Variants in BLTP3A observed in about 807,000 individuals in gnomAD.
The protein encoded by BLTP3A is ICBP90 binding protein 1.
the BLTP3A span, among the ~76,000 whole-genome samples, chr6:34,848,207 C>G: frequency 3.3e-5 from 5 of 151,138 alleles, no homozygotes; most frequent in Non-Finnish European, 7.4e-5. Flanking sequence ...AGGCTTGAGC[C>G]CGGGAGATAG....
the BLTP3A span, among the ~76,000 whole-genome samples, chr6:34,823,068 A>T: frequency 6.6e-6 from 1 of 152,126 alleles, no homozygotes; most frequent in Admixed American, 6.6e-5. Flanking sequence ...AAGGGGGAAA[A>T]TGAGGACTCT....
the BLTP3A span, among the ~76,000 whole-genome samples, chr6:34,822,763 A>C: frequency 6.6e-6 from 1 of 151,654 alleles, no homozygotes; most frequent in Non-Finnish European, 1.5e-5. Flanking sequence ...AGGCTGGGGC[A>C]GGAGAATTGC....
At chr6:34,801,001 T>A in the BLTP3A span, among the ~76,000 whole-genome samples, 1 of 152,158 alleles carries the variant, frequency 6.6e-6, no homozygotes, top group Non-Finnish European at 1.5e-5. Context: ...AGTGTTGGGA[T>A]TACAGGCGTG....
At chr6:34,808,378 A>G in the BLTP3A span, among the ~76,000 whole-genome samples, 33 of 150,232 alleles carry the variant, frequency 2.2e-4, no homozygotes, top group Admixed American at 6.6e-5. Flanking sequence ...AAAGAATAGA[A>G]ATCAGTGAAA....
At chr6:34,825,979 A>G in the BLTP3A span, among the ~76,000 whole-genome samples, 17 of 151,210 alleles carry the variant, frequency 1.1e-4, no homozygotes, top group Admixed American at 5.3e-4. Context: ...GAAACTGTCA[A>G]ACTTTTCCAG....
chr6:34,826,905 C>T, the BLTP3A span, among the ~76,000 whole-genome samples: 1 of 152,148 alleles, frequency 6.6e-6, no homozygotes, highest in South Asian at 2.1e-4. Context: ...GCCCTGATTC[C>T]CTTCAGTGAG....
At chr6:34,826,637 C>T in the BLTP3A span, among the ~76,000 whole-genome samples, 2 of 152,144 alleles carry the variant, frequency 1.3e-5, no homozygotes, top group African/African-American at 2.4e-5. Flanking sequence ...GGATTACAGA[C>T]GTGAGCGACT....
the BLTP3A span, among the ~76,000 whole-genome samples, chr6:34,825,538 CT>C: frequency 1.2e-4 from 18 of 152,146 alleles, no homozygotes; most frequent in African/African-American, 4.3e-4. Flanking sequence ...AACTCCTGAC[CT>C]TAGGTGATCC....
At chr6:34,863,054 C>T in the BLTP3A span, among the ~76,000 whole-genome samples, 1 of 151,954 alleles carries the variant, frequency 6.6e-6, no homozygotes, top group Non-Finnish European at 1.5e-5. Context: ...TACAGGCGCG[C>T]ACCATCATGC....
At chr6:34,830,499 A>C in the BLTP3A span, among the ~76,000 whole-genome samples, 1 of 151,978 alleles carries the variant, frequency 6.6e-6, no homozygotes, top group Non-Finnish European at 1.5e-5. Flanking sequence ...CTGAGGCAGG[A>C]GAATTGCTTG....
chr6:34,835,490 G>A, the BLTP3A span: 10 of 1,610,044 alleles, frequency 6.2e-6, no homozygotes, highest in Admixed American at 1.7e-5. Flanking sequence ...GACACCCTTA[G>A]TGGGGCTAGG....
At chr6:34,866,337 A>T in the BLTP3A span, among the ~76,000 whole-genome samples, 1 of 151,474 alleles carries the variant, frequency 6.6e-6, no homozygotes, top group Non-Finnish European at 1.5e-5. Flanking sequence ...CAGGAGGTGG[A>T]GGTTGTAGTG....
the BLTP3A span, among the ~76,000 whole-genome samples, chr6:34,841,729 G>C: frequency 4.8e-3 from 728 of 152,278 alleles, 5 homozygotes; most frequent in Non-Finnish European, 7.5e-3. Flanking sequence ...GCACTGTCTT[G>C]AGGTGGGACA....
chr6:34,827,668 G>A, the BLTP3A span, among the ~76,000 whole-genome samples: 1 of 152,214 alleles, frequency 6.6e-6, no homozygotes, highest in Non-Finnish European at 1.5e-5. Context: ...TTCCGCTCTT[G>A]TTTTCCAGGC....
At chr6:34,831,567 A>G in the BLTP3A span, among the ~76,000 whole-genome samples, 1 of 152,142 alleles carries the variant, frequency 6.6e-6, no homozygotes, top group South Asian at 2.1e-4. Context: ...GGAAGAGAGT[A>G]TCCTATGTTT....
chr6:34,845,503 C>T, the BLTP3A span, among the ~76,000 whole-genome samples: 24 of 152,290 alleles, frequency 1.6e-4, no homozygotes, highest in Non-Finnish European at 2.8e-4. Context: ...ACTGCAGCCT[C>T]AACCTCCTGG....
At chr6:34,836,680 C>T in the BLTP3A span, among the ~76,000 whole-genome samples, 1 of 152,128 alleles carries the variant, frequency 6.6e-6, no homozygotes. Context: ...GTTCCTTAGG[C>T]AATCCTGATG....
At chr6:34,839,969 A>G in the BLTP3A span, among the ~76,000 whole-genome samples, 12 of 152,354 alleles carry the variant, frequency 7.9e-5, 1 homozygote, top group East Asian at 1.3e-3. Flanking sequence ...GAGCCCCAAG[A>G]GCATAGCATC....
the BLTP3A span, among the ~76,000 whole-genome samples, chr6:34,853,327 G>T: frequency 6.6e-6 from 1 of 152,066 alleles, no homozygotes; most frequent in East Asian, 2.0e-4. Flanking sequence ...TCCCGACTGG[G>T]ACTACAGGCA....
Sources: allele counts gnomAD v4.1 joint callset (sites outside exome capture counted in the v4.1 genomes callset), GRCh38; gene constraint gnomAD v4.1.1; transcripts MANE v1.5; gene names NCBI Gene and HGNC (gene_info 2026-07-23, HGNC 2026-07-21).